Variants in SRC observed in about 807,000 individuals in gnomAD.
SRC encodes proto-oncogene tyrosine-protein kinase Src.
SRC carries 13 observed loss-of-function variants against 62.9 expected under a neutral mutation model. That is an observed-to-expected ratio of 0.21 (90% CI 0.13 to 0.33). The LOEUF (loss-of-function observed/expected upper bound fraction) is 0.33. Ranked by LOEUF, SRC falls within the 10% of genes least tolerant of loss-of-function variation. The probability of loss-of-function intolerance (pLI) is 1.00; values close to 1 mark genes in which losing one functional copy is unlikely to be tolerated. For missense variants in SRC, 457 were observed against 737.3 expected (o/e 0.62, Z 4.40); for synonymous variants, 302 against 317.5 (o/e 0.95, Z 0.52).
intron 9 of SRC, among the ~76,000 whole-genome samples, chr20:37,399,544 A>C (rs2070707811): frequency 6.7e-6 from 1 of 150,092 alleles, no homozygotes; most frequent in African/African-American, 2.4e-5. Context: ...GCTGCTTTTT[A>C]GGACTTTTTT....
intron 1 of SRC, among the ~76,000 whole-genome samples, chr20:37,353,757 T>A (rs2069841359): frequency 6.6e-6 from 1 of 152,214 alleles, no homozygotes; most frequent in Admixed American, 6.5e-5. Flanking sequence ...CCGCCTCATC[T>A]GGGCTGAGCC....
chr20:37,373,263 CAT>C (rs2070210071), intron 2 of SRC, among the ~76,000 whole-genome samples: 1 of 122,498 alleles, frequency 8.2e-6, no homozygotes, highest in Non-Finnish European at 1.9e-5. Context: ...CACACATGTA[CAT>C]ACGCACACAC....
At chr20:37,399,676 C>G (rs1235246839) in intron 9 of SRC, among the ~76,000 whole-genome samples, 1 of 152,084 alleles carries the variant, frequency 6.6e-6, no homozygotes, top group Non-Finnish European at 1.5e-5. Context: ...TCCCGAGTAT[C>G]CAGTATTACA....
chr20:37,387,886 C>T (rs920387090), intron 5 of SRC, among the ~76,000 whole-genome samples: 2 of 152,086 alleles, frequency 1.3e-5, no homozygotes, highest in South Asian at 4.1e-4. Flanking sequence ...ACCATAGCCT[C>T]GAGAAATGGG....
At chr20:37,365,773 AGAGTCTCAC>A (rs142189171) in intron 2 of SRC, among the ~76,000 whole-genome samples, 4 of 152,234 alleles carry the variant, frequency 2.6e-5, no homozygotes, top group Non-Finnish European at 5.9e-5. Flanking sequence ...TTGTAGAGAC[AGAGTCTCAC>A]TATGTTGCCT....
intron 1 of SRC, among the ~76,000 whole-genome samples, chr20:37,350,773 C>T (rs2069789860): frequency 6.6e-6 from 1 of 152,172 alleles, no homozygotes; most frequent in South Asian, 2.1e-4. Flanking sequence ...CTTTCATCCC[C>T]CTGGCCTAGA....
chr20:37,358,947 G>A (rs958211370), intron 1 of SRC, among the ~76,000 whole-genome samples: 1 of 152,380 alleles, frequency 6.6e-6, no homozygotes, highest in Non-Finnish European at 1.5e-5. Context: ...GCCCTGGCAC[G>A]CGCACGGCCC....
chr20:37,402,859 A>G lies in SRC; in HGVS notation c.1381A>G (p.Lys461Glu). ...FGILLTELTT[K>E]GRVPYPGMVN... Reference sequence around the variant, plus strand: ...GATCCTGCTGACTGAGCTCACCACAAAGGGACGGGTGCCCTACCCTGGTAA... The same window carrying G: ...GATCCTGCTGACTGAGCTCACCACAGAGGGACGGGTGCCCTACCCTGGTAA... The change falls in exon 13 of 14, where the codon AAG (lysine) becomes GAG (glutamate). Residue 461 changes from lysine (K) to glutamate (E), a missense_variant. By Grantham distance (56) the Lys-to-Glu change is moderately conservative. Coordinates refer to ENST00000373578, the MANE Select transcript of SRC (RefSeq NM_198291.3). This position sits in a 1 kb window ranked among gnomAD's most constrained non-coding sequence, Gnocchi z 6.2. 6.2e-7 allele frequency: 1 copy of G among 1,614,012 alleles called. No homozygotes were observed. The highest frequency in any genetic ancestry group is 8.5e-7 in the Non-Finnish European group (1 of 1,179,976).
At position 37,397,447 on chromosome 20, in the gene SRC, G is replaced by A. The variant is rs377122565; in HGVS notation, c.704-252G>A. ...GGTTCCCTGGACATGTTCCCTCCCCGCAGGGTTCCTGGCACCCCCTACTGT... is the reference window on the plus strand; with the variant it reads ...GGTTCCCTGGACATGTTCCCTCCCCACAGGGTTCCTGGCACCCCCTACTGT... On this transcript the variant is annotated intron_variant, in intron 8 of 13. Coordinates refer to ENST00000373578, the MANE Select transcript of SRC (RefSeq NM_198291.3). The surrounding 1 kb of genome is among the most constrained non-coding windows in gnomAD (Gnocchi z 4.1). Among the ~76,000 whole-genome samples the A allele has an allele frequency of 1.4e-4, 21 of 152,270 alleles. No homozygotes were observed. The East Asian group carries it at 2.9e-3, about 21-fold the overall frequency.
chr20:37,380,707 C>T (rs1235908248), intron 2 of SRC, among the ~76,000 whole-genome samples: 2 of 152,142 alleles, frequency 1.3e-5, no homozygotes, highest in African/African-American at 4.8e-5. Flanking sequence ...TCCTGCCTGG[C>T]CCTGACAGCC....
At chr20:37,371,692 T>A (rs1377562714) in intron 2 of SRC, among the ~76,000 whole-genome samples, 2 of 152,164 alleles carry the variant, frequency 1.3e-5, no homozygotes, top group Non-Finnish European at 1.5e-5. Flanking sequence ...TCTTTCTTAT[T>A]TTTATTTTTA....
intron 2 of SRC, among the ~76,000 whole-genome samples, chr20:37,380,930 G>A (rs967119350): frequency 1.3e-5 from 2 of 151,202 alleles, no homozygotes; most frequent in Non-Finnish European, 2.9e-5. Context: ...TACCATTTAC[G>A]GAGGCCTGGT....
In SRC at chr20:37,384,545, G is replaced by A; in HGVS notation, c.250+142G>A. 2.1e-6 allele frequency: 2 copies of A among 945,666 alleles called. No individual in the cohort carries two copies. Among genetic ancestry groups the A allele is most frequent in the Non-Finnish European group, 2.7e-6 (2 of 731,088 alleles). The allele number at this position is 945,666 out of a possible 1,614,324, so 58.6% of individuals were successfully genotyped here. A position where few individuals can be genotyped will look rare whatever the true frequency, so the allele number is the denominator to read the frequency against. On this transcript the variant is annotated intron_variant, in intron 4 of 13. Coordinates refer to ENST00000373578, the MANE Select transcript of SRC (RefSeq NM_198291.3). This position sits in a 1 kb window ranked among gnomAD's most constrained non-coding sequence, Gnocchi z 6.7. ...CGCCCCTGGGTGACTTGGGTGTCCGGGGGGTGGGGGGGCGGCCGTACACAC... is the reference window on the plus strand; with the variant it reads ...CGCCCCTGGGTGACTTGGGTGTCCGAGGGGTGGGGGGGCGGCCGTACACAC...
intron 2 of SRC, among the ~76,000 whole-genome samples, chr20:37,369,172 A>G (rs1298676836): frequency 6.6e-6 from 1 of 152,226 alleles, no homozygotes; most frequent in Non-Finnish European, 1.5e-5. Context: ...TCTGGGTCCC[A>G]TGACTTTCCA....
At chr20:37,373,397 GTA>G (rs1491544238) in intron 2 of SRC, among the ~76,000 whole-genome samples, 1 of 151,068 alleles carries the variant, frequency 6.6e-6, no homozygotes, top group African/African-American at 2.4e-5. Context: ...ACATATATGC[GTA>G]TATATACGCA....
intron 1 of SRC, among the ~76,000 whole-genome samples, chr20:37,364,153 C>T (rs1181127815): frequency 2.6e-5 from 4 of 152,170 alleles, no homozygotes; most frequent in South Asian, 2.1e-4. Flanking sequence ...TGAGAGGATG[C>T]GATCACTGAT....
chr20:37,358,503 T>C (rs1377472071), intron 1 of SRC, among the ~76,000 whole-genome samples: 2 of 152,162 alleles, frequency 1.3e-5, no homozygotes, highest in Non-Finnish European at 2.9e-5. Flanking sequence ...CCGTACCGGG[T>C]GGTCTCTGCA....
intron 1 of SRC, among the ~76,000 whole-genome samples, chr20:37,350,519 G>A (rs1600948285): frequency 6.6e-6 from 1 of 152,320 alleles, no homozygotes. Context: ...GTTCCTGGGG[G>A]AGGGAGACCC....
intron 1 of SRC, among the ~76,000 whole-genome samples, chr20:37,356,744 T>A (rs191664297): frequency 2.0e-3 from 312 of 152,280 alleles, no homozygotes; most frequent in Middle Eastern, 3.4e-3. Flanking sequence ...GGTGAAGGGC[T>A]AGGCCTGATT....
Sources: allele counts gnomAD v4.1 joint callset (sites outside exome capture counted in the v4.1 genomes callset), GRCh38; gene constraint gnomAD v4.1.1; non-coding constraint Gnocchi (gnomAD v3.1); transcripts MANE v1.5; gene names NCBI Gene and HGNC (gene_info 2026-07-23, HGNC 2026-07-21).